The following LIX1L variants were observed in gnomAD, a reference collection of about 807,000 sequenced individuals.
LIX1L encodes the protein limb and CNS expressed 1 like, also known as LIX1-like protein.
LIX1L carries 20 observed loss-of-function variants against 34.0 expected under a neutral mutation model. The observed-to-expected ratio is 0.59, with a 90% CI of 0.41 to 0.85. The LOEUF is 0.85. Among genes scored for constraint, LIX1L ranks in the 40% least tolerant of loss-of-function variants. The pLI is 0.00. For missense variants in LIX1L, 397 were observed against 447.0 expected, an observed-to-expected ratio of 0.89 and a Z score of 1.01; for synonymous variants, 170 against 187.4, an observed-to-expected ratio of 0.91 and a Z score of 0.76.
At position 145,935,920 on chromosome 1, in the gene LIX1L, C is replaced by G. The variant is rs146310957; in HGVS notation, c.*390G>C. ...TACCCTGTTTGAGTCCAAGAGGAAG[C>G]AGGAATGAGAGTAAGGGTGGGGCAC... On this transcript the variant is annotated 3_prime_UTR_variant, in exon 6 of 6. Coordinates refer to ENST00000604000, the MANE Select transcript of LIX1L (RefSeq NM_153713.3). The G allele has an allele frequency of 8.1e-4, 167 of 206,506 alleles. 1 individual carries two copies. In the East Asian group the frequency reaches 0.02, roughly 25 times the overall value. The allele number at this position is 206,506 out of a possible 1,614,324, so 12.8% of individuals were successfully genotyped here. A position where few individuals can be genotyped will look rare whatever the true frequency, so the allele number is the denominator to read the frequency against.
intron 2 of LIX1L, among the ~76,000 whole-genome samples, chr1:145,945,181 G>GT (rs1467894470): frequency 6.6e-6 from 1 of 151,332 alleles, no homozygotes; most frequent in Non-Finnish European, 1.5e-5. Flanking sequence ...AAAATTAGCT[G>GT]GGTGTGGTGG....
intron 3 of LIX1L, chr1:145,940,010 A>C (rs1292070614): frequency 6.6e-6 from 1 of 152,012 alleles, no homozygotes; most frequent in African/African-American, 2.4e-5. Context: ...CTTGTCACCC[A>C]AGCTGGAATG....
chr1:145,946,122 AAAAC>A (rs1553759210), intron 2 of LIX1L, among the ~76,000 whole-genome samples: 1 of 151,848 alleles, frequency 6.6e-6, no homozygotes, highest in Non-Finnish European at 1.5e-5. Context: ...AAAAAACAAA[AAAAC>A]AAAAAAAAAC....
At position 145,957,759 on chromosome 1, in the gene LIX1L, G is replaced by A; in HGVS notation, c.169C>T (p.Leu57Phe). Residue 57 changes from leucine to phenylalanine, a missense_variant, in exon 1 of 6, where the codon CTC (leucine) becomes TTC (phenylalanine). Coordinates refer to ENST00000604000, the MANE Select transcript of LIX1L (RefSeq NM_153713.3). ...PPPAPPPPPL[L>F]LSGAPGLPLP... ...GGTAGTCCTGGGGCCCCAGACAGGAGCAGCGGCGGCGGGGGCGGTGCGGGA... is the reference window on the plus strand; with the variant it reads ...GGTAGTCCTGGGGCCCCAGACAGGAACAGCGGCGGCGGGGGCGGTGCGGGA... 1 of 1,363,896 alleles carries A rather than the reference G, an allele frequency of 7.3e-7. No individual in the cohort carries two copies. Among genetic ancestry groups the A allele is most frequent in the Admixed American group, 3.9e-5 (1 of 25,554 alleles). 84.5% of individuals were successfully genotyped at this position (1,363,896 alleles called of 1,614,324 possible).
intron 2 of LIX1L, among the ~76,000 whole-genome samples, chr1:145,946,038 A>G (rs1649095029): frequency 6.6e-6 from 1 of 150,864 alleles, no homozygotes; most frequent in South Asian, 2.1e-4. Flanking sequence ...CAGGAGGCGG[A>G]GGTTGCAGTG....
intron 2 of LIX1L, among the ~76,000 whole-genome samples, chr1:145,943,946 G>A (rs1265959691): frequency 1.3e-5 from 2 of 152,130 alleles, no homozygotes; most frequent in African/African-American, 2.4e-5. Flanking sequence ...AGGAGGCTGA[G>A]GCAGAAGGAT....
At chr1:145,938,337 A>T (rs1553758094) in intron 3 of LIX1L, among the ~76,000 whole-genome samples, 1 of 152,058 alleles carries the variant, frequency 6.6e-6, no homozygotes, top group Non-Finnish European at 1.5e-5. Flanking sequence ...TCTATTGGTT[A>T]TGTAACCCTG....
At position 145,957,633 on chromosome 1, in the gene LIX1L, C is replaced by T. The variant is rs944190410; in HGVS notation, c.292+3G>A. On this transcript the variant is annotated splice_donor_region_variant and intron_variant, in intron 1 of 5. Transcript: ENST00000604000. ...GCGCAGGAGGCCAGACCCGCAGACTCACCTCGGCCATAGCCCTGCGTGTGC... is the reference window on the plus strand; with the variant it reads ...GCGCAGGAGGCCAGACCCGCAGACTTACCTCGGCCATAGCCCTGCGTGTGC... 2.0e-5 allele frequency: 30 copies of T among 1,529,328 alleles called. No homozygotes were observed. Among genetic ancestry groups the T allele is most frequent in the Non-Finnish European group, 2.5e-5 (29 of 1,143,472 alleles). 94.7% of individuals were successfully genotyped at this position (1,529,328 alleles called of 1,614,324 possible).
At chr1:145,937,162 A>AC (rs1648684204) in intron 4 of LIX1L, among the ~76,000 whole-genome samples, 177 bp from the exon 5 acceptor site, 3 of 149,802 alleles carry the variant, frequency 2.0e-5, no homozygotes, top group African/African-American at 7.4e-5. Context: ...TTATTTATTT[A>AC]TTTATTTATT....
At position 145,947,686 on chromosome 1, in the gene LIX1L, G is replaced by A. The variant is rs782738772; in HGVS notation, c.389C>T (p.Pro130Leu). 1.1e-5 allele frequency: 17 copies of A among 1,613,960 alleles called. No individual in the cohort carries two copies. Among genetic ancestry groups the A allele is most frequent in the Non-Finnish European group, 1.4e-5 (17 of 1,180,002 alleles). ...NGALVVYEMV[P>L]SNSPPYVCYV... is the part of the protein sequence containing the mutation. ...GCAGACATAAGGAGGGCTGTTGGAG[G>A]GAACCATCTCATAAACCACTAGAGC... Residue 130 changes from proline (P) to leucine (L), a missense_variant, in exon 2 of 6, where the codon CCC (proline) becomes CTC (leucine). Physicochemically the swap from Pro to Leu is moderately conservative, Grantham distance 98. This residue lies in a region of LIX1L where 207 missense variants were observed against 205.2 expected (regional missense o/e 1.01). Transcript: ENST00000604000.
intron 2 of LIX1L, chr1:145,944,434 A>C (rs1361459917): frequency 6.6e-6 from 1 of 152,224 alleles, no homozygotes; most frequent in African/African-American, 2.4e-5. Flanking sequence ...CCTAATTTCT[A>C]TTAACTGACA....
At chr1:145,944,196 A>G (rs1363478592) in intron 2 of LIX1L, among the ~76,000 whole-genome samples, 1 of 152,200 alleles carries the variant, frequency 6.6e-6, no homozygotes, top group Admixed American at 6.5e-5. Flanking sequence ...AACTCTACAA[A>G]AAATTTAAAA....
chr1:145,934,866 C>CA lies in LIX1L; in HGVS notation c.*1443dup, dbSNP rs587720380. 4.0e-4 allele frequency: 59 copies of CA among 147,490 alleles called. No homozygotes were observed. The East Asian group carries it at 4.0e-3, about 10-fold the overall frequency. 9.1% of individuals were successfully genotyped at this position (147,490 alleles called of 1,614,324 possible). ...TCAAAAACAAAAACAAAAACAAAACCAAAAAAAAACCACAAATAGGCCAGG... is the reference window on the plus strand; with the variant it reads ...TCAAAAACAAAAACAAAAACAAAACCAAAAAAAAAACCACAAATAGGCCAGG... On this transcript the variant is annotated 3_prime_UTR_variant, in exon 6 of 6. Coordinates refer to ENST00000604000, the MANE Select transcript of LIX1L (RefSeq NM_153713.3).
chr1:145,950,034 T>C (rs587593788), intron 1 of LIX1L, among the ~76,000 whole-genome samples: 1 of 152,092 alleles, frequency 6.6e-6, no homozygotes, highest in Non-Finnish European at 1.5e-5. Flanking sequence ...CAGGCTGGTC[T>C]CAAACTCCTG....
At chr1:145,952,944 C>T (rs1649352699) in intron 1 of LIX1L, among the ~76,000 whole-genome samples, 1 of 151,954 alleles carries the variant, frequency 6.6e-6, no homozygotes, top group Non-Finnish European at 1.5e-5. Flanking sequence ...CAAGGTCTCG[C>T]TCTATCGCTG....
At chr1:145,938,263 TGTGGTATAA>T (rs1217733281) in intron 3 of LIX1L, among the ~76,000 whole-genome samples, 2 of 152,170 alleles carry the variant, frequency 1.3e-5, no homozygotes, top group African/African-American at 4.8e-5. Context: ...CTTTCTGAAA[TGTGGTATAA>T]GTGTGGAAAT....
At chr1:145,937,148 T>TTATA in intron 4 of LIX1L, among the ~76,000 whole-genome samples, 163 bp from the exon 5 acceptor site, 1 of 148,396 alleles carries the variant, frequency 6.7e-6, no homozygotes, top group East Asian at 1.9e-4. Flanking sequence ...ATTTATTTAT[T>TTATA]TATTTATTTA....
intron 3 of LIX1L, chr1:145,939,771 G>A (rs1648822799): frequency 6.6e-6 from 1 of 150,846 alleles, no homozygotes; most frequent in East Asian, 1.9e-4. Flanking sequence ...CCAAGTAGCT[G>A]GGACTACAGA....
intron 1 of LIX1L, among the ~76,000 whole-genome samples, chr1:145,955,215 C>T (rs1246998196): frequency 6.6e-6 from 1 of 152,208 alleles, no homozygotes; most frequent in Non-Finnish European, 1.5e-5. Context: ...CCATGCACTA[C>T]AAACTTATCA....
Sources: gnomAD v4.1 joint callset for allele counts (sites outside exome capture counted in the v4.1 genomes callset) on GRCh38, gnomAD v4.1.1 for gene constraint, gnomAD v4.1.1 regional missense constraint, MANE v1.5 for transcripts, NCBI Gene and HGNC (gene_info 2026-07-23, HGNC 2026-07-21) for gene names.